The following URAD variants were observed in gnomAD, a reference collection of about 807,000 sequenced individuals.
URAD encodes the protein ureidoimidazoline (2-oxo-4-hydroxy-4-carboxy-5-) decarboxylase, also known as putative 2-oxo-4-hydroxy-4-carboxy-5-ureidoimidazoline decarboxylase.
URAD carries 4 observed loss-of-function variants against 4.6 expected under a neutral mutation model. That is an observed-to-expected ratio of 0.87 (90% CI 0.43 to 1.98). URAD has a LOEUF of 1.98. URAD is among the 30% of genes most tolerant of loss of function. The pLI is 0.03. For missense variants in URAD, 300 were observed against 255.3 expected (o/e 1.18, Z -1.19); for synonymous variants, 144 against 118.2 (o/e 1.22, Z -1.41).
Position 27,980,537 on chromosome 13 carries a change from C to T in URAD, c.176-2085G>A, listed in dbSNP as rs549667384. Among the ~76,000 whole-genome samples the T allele has an allele frequency of 1.5e-4, 23 of 152,350 alleles. No homozygotes were observed. In the South Asian group the frequency reaches 4.8e-3, roughly 32 times the overall value. ...AAGTGCGAGTCTTGGGCGGCTGGAC[C>T]TTCCGCGCCTCCTCTTCAGGTGTTC... On this transcript the variant is annotated intron_variant, in intron 1 of 1. Transcript: ENST00000332715.
intron 1 of URAD, among the ~76,000 whole-genome samples, chr13:27,986,704 C>G (rs1870038548): frequency 6.8e-6 from 1 of 146,930 alleles, no homozygotes; most frequent in Non-Finnish European, 1.5e-5. Flanking sequence ...AAAGGATATG[C>G]CTCTCTTTTT....
rs762213577 is a variant in URAD, at chr13:27,978,101, G to A, written c.*5C>T. The A allele has an allele frequency of 6.1e-6, 9 of 1,487,142 alleles. No homozygotes were observed. The South Asian group carries it at 6.6e-5, about 11-fold the overall frequency. The allele number at this position is 1,487,142 out of a possible 1,614,324, so 92.1% of individuals were successfully genotyped here. A position where few individuals can be genotyped will look rare whatever the true frequency, so the allele number is the denominator to read the frequency against. On this transcript the variant is annotated 3_prime_UTR_variant, in exon 2 of 2. Coordinates refer to ENST00000332715, the MANE Select transcript of URAD (RefSeq NM_001105577.2). The stretch of plus-strand genomic sequence containing the variant: ...TGCGTCCCGGGTCCCTGGCCCGCGC[G>A]GCAGCTACAGCTTGGCGGGGTCTGC...
chr13:27,977,793 G>A lies in URAD; in HGVS notation c.*313C>T. On this transcript the variant is annotated 3_prime_UTR_variant, in exon 2 of 2. Coordinates refer to ENST00000332715, the MANE Select transcript of URAD (RefSeq NM_001105577.2). ...AGCAGGAGAGGGTTGGGGAGAACTG[G>A]ATAAACGCTTTGGAATCCACAAAGG... is the stretch of plus-strand genomic sequence containing the variant. 2.7e-6 allele frequency: 1 copy of A among 372,412 alleles called. No homozygotes were observed. Among genetic ancestry groups the A allele is most frequent in the Non-Finnish European group, 4.8e-6 (1 of 208,366 alleles). The allele number at this position is 372,412 out of a possible 1,614,324, so 23.1% of individuals were successfully genotyped here. A position where few individuals can be genotyped will look rare whatever the true frequency, so the allele number is the denominator to read the frequency against.
At chr13:27,979,723 T>C (rs780230360) in intron 1 of URAD, among the ~76,000 whole-genome samples, 1 of 152,192 alleles carries the variant, frequency 6.6e-6, no homozygotes, top group South Asian at 2.1e-4. Flanking sequence ...GAATTTTATC[T>C]CAAAGAAGCT....
intron 1 of URAD, among the ~76,000 whole-genome samples, chr13:27,984,477 A>G (rs530983086): frequency 6.6e-6 from 1 of 152,186 alleles, no homozygotes; most frequent in Non-Finnish European, 1.5e-5. Flanking sequence ...TCATAGCAGA[A>G]CCTAAATGGA....
intron 1 of URAD, among the ~76,000 whole-genome samples, chr13:27,982,487 A>T (rs1271355489): frequency 6.6e-6 from 1 of 152,168 alleles, no homozygotes; most frequent in African/African-American, 2.4e-5. Context: ...TCTGCCAGAT[A>T]GGTCACTAGC....
At chr13:27,985,646 C>T (rs1434514827) in intron 1 of URAD, among the ~76,000 whole-genome samples, 1 of 152,006 alleles carries the variant, frequency 6.6e-6, no homozygotes, top group Non-Finnish European at 1.5e-5. Flanking sequence ...TGAATGAAAA[C>T]CCTAAAAACT....
rs1291241794 is a variant in URAD, at chr13:27,978,340, C to A, written c.288G>T (p.Leu96=). Residue 96 remains leucine (L), a synonymous_variant, in exon 2 of 2, where the codon CTG becomes CTT. Coordinates refer to ENST00000332715, the MANE Select transcript of URAD (RefSeq NM_001105577.2). ...CCAGCCGCAGCCGCTCGTCCGCGCC[C>A]AGGCTCCTCAGGCCTGCGCCGCTCT... ...REQSGAGLRS[L]GADERLRLAE... 2 of 1,395,174 alleles carry A rather than the reference C, an allele frequency of 1.4e-6. No individual in the cohort carries two copies. The highest frequency in any genetic ancestry group is 3.5e-5 in the Admixed American group (1 of 28,684). The allele number at this position is 1,395,174 out of a possible 1,614,324, so 86.4% of individuals were successfully genotyped here.
intron 1 of URAD, among the ~76,000 whole-genome samples, chr13:27,983,853 G>C (rs1869943166): frequency 6.6e-6 from 1 of 152,162 alleles, no homozygotes; most frequent in African/African-American, 2.4e-5. Flanking sequence ...TTTTGGTAAG[G>C]AGTGTTTCAT....
rs1001215917 is a variant in URAD at position 27,977,810 on chromosome 13, C to T, written c.*296G>A. 4 of 390,586 alleles carry T rather than the reference C, an allele frequency of 1.0e-5. No homozygotes were observed. Among genetic ancestry groups the T allele is most frequent in the South Asian group, 7.1e-5 (1 of 14,180 alleles). The allele number at this position is 390,586 out of a possible 1,614,324, so 24.2% of individuals were successfully genotyped here. A position where few individuals can be genotyped will look rare whatever the true frequency, so the allele number is the denominator to read the frequency against. ...GAGAACTGGATAAACGCTTTGGAAT[C>T]CACAAAGGCCGGTGGTGTCGGGGGC... On this transcript the variant is annotated 3_prime_UTR_variant, in exon 2 of 2. Transcript: ENST00000332715.
chr13:27,978,801 G>A (rs1869797073), intron 1 of URAD, among the ~76,000 whole-genome samples: 1 of 152,132 alleles, frequency 6.6e-6, no homozygotes, highest in Admixed American at 6.5e-5. Flanking sequence ...CTGAGGCTCG[G>A]AATTTACGAC....
chr13:27,979,940 C>T (rs1869826407), intron 1 of URAD, among the ~76,000 whole-genome samples: 1 of 152,218 alleles, frequency 6.6e-6, no homozygotes, highest in Admixed American at 6.5e-5. Flanking sequence ...TCACTCACCA[C>T]ACTGCGCCTG....
intron 1 of URAD, among the ~76,000 whole-genome samples, chr13:27,983,188 C>G (rs2137557992): frequency 6.6e-6 from 1 of 152,186 alleles, no homozygotes; most frequent in South Asian, 2.1e-4. Flanking sequence ...TTCTGTGCCC[C>G]AAAAATGTCG....
In URAD at chr13:27,978,202, C is replaced by T. The variant is rs751616703; in HGVS notation, c.426G>A (p.Pro142=). 2 of 1,490,316 alleles carry T rather than the reference C, an allele frequency of 1.3e-6. No homozygotes were observed. The highest frequency in any genetic ancestry group is 1.3e-5 in the South Asian group (1 of 77,724). 92.3% of individuals were successfully genotyped at this position (1,490,316 alleles called of 1,614,324 possible). A position where few individuals can be genotyped will look rare whatever the true frequency, so the allele number is the denominator to read the frequency against. ...PRELARRLLC[P]SAQELRTALG... is the part of the protein sequence containing the mutation. Reference sequence around the variant, plus strand: ...GAGCAGTGCGCAGCTCCTGCGCGGACGGGCAGAGCAGCCGGCGCGCCAGCT... The same window carrying T: ...GAGCAGTGCGCAGCTCCTGCGCGGATGGGCAGAGCAGCCGGCGCGCCAGCT... Residue 142 remains proline (P), a synonymous_variant, in exon 2 of 2, where the codon CCG becomes CCA. Transcript: ENST00000332715.
At chr13:27,981,019 T>TC (rs1222684875) in intron 1 of URAD, among the ~76,000 whole-genome samples, 3 of 116,954 alleles carry the variant, frequency 2.6e-5, no homozygotes, top group African/African-American at 5.9e-5. Flanking sequence ...TCTCTCTCTC[T>TC]CTCTCTCTCC....
At chr13:27,981,409 C>G (rs1272355642) in intron 1 of URAD, among the ~76,000 whole-genome samples, 1 of 152,230 alleles carries the variant, frequency 6.6e-6, no homozygotes, top group Non-Finnish European at 1.5e-5. Context: ...CTCAGGGAAT[C>G]TAGGTACTGC....
chr13:27,987,371 T>TTC (rs1870059973), intron 1 of URAD, among the ~76,000 whole-genome samples: 1 of 152,068 alleles, frequency 6.6e-6, no homozygotes, highest in Non-Finnish European at 1.5e-5. Flanking sequence ...GTGCCTCATT[T>TTC]TCTCTCTCTC....
At chr13:27,983,459 C>T (rs1045961474) in intron 1 of URAD, among the ~76,000 whole-genome samples, 4 of 152,054 alleles carry the variant, frequency 2.6e-5, no homozygotes, top group African/African-American at 9.7e-5. Context: ...GAACTCCTGA[C>T]CTCAAGTGAT....
rs559832349 is a variant in URAD at position 27,977,948 on chromosome 13, T to A, written c.*158A>T. ...CGTGTGGGTGGGCGGACAAAAGGAC[T>A]CATTACTCGTATGATTGCCTCAATT... On this transcript the variant is annotated 3_prime_UTR_variant, in exon 2 of 2. Transcript: ENST00000332715. 8.2e-5 allele frequency: 48 copies of A among 585,684 alleles called. No homozygotes were observed. The African/African-American group carries it at 8.5e-4, about 10-fold the overall frequency. The allele number at this position is 585,684 out of a possible 1,614,324, so 36.3% of individuals were successfully genotyped here.
Sources: gnomAD v4.1 joint callset for allele counts (sites outside exome capture counted in the v4.1 genomes callset) on GRCh38, gnomAD v4.1.1 for gene constraint, MANE v1.5 for transcripts, NCBI Gene and HGNC (gene_info 2026-07-23, HGNC 2026-07-21) for gene names.